The following KCNH5 variants were observed in gnomAD, a reference collection of about 807,000 sequenced individuals.
KCNH5 encodes the protein voltage-gated delayed rectifier potassium channel KCNH5.
Under a neutral mutation model 96.1 loss-of-function variants are expected in KCNH5, and 46 were observed. That is an observed-to-expected ratio of 0.48 (90% CI 0.38 to 0.61). KCNH5 has a LOEUF of 0.61. Ranked by LOEUF, KCNH5 falls within the 20% of genes least tolerant of loss-of-function variation. KCNH5 has a pLI of 0.00. For synonymous variants in KCNH5, 439 were observed against 449.8 expected (o/e 0.98, Z 0.30); for missense variants, 907 against 1,225.8 (o/e 0.74, Z 3.88).
chr14:62,944,706 A>G (rs999543404), intron 7 of KCNH5, among the ~76,000 whole-genome samples: 2 of 152,178 alleles, frequency 1.3e-5, no homozygotes, highest in Admixed American at 6.6e-5. Flanking sequence ...GTACTATAAC[A>G]CTTCATGAAT....
intron 6 of KCNH5, among the ~76,000 whole-genome samples, chr14:62,970,042 T>A (rs1890375236): frequency 3.1e-5 from 2 of 63,752 alleles, no homozygotes; most frequent in East Asian, 2.8e-4. Context: ...TGAGACTCCG[T>A]CTAAAAAAAA....
intron 7 of KCNH5, among the ~76,000 whole-genome samples, chr14:62,943,044 G>A (rs930853717): frequency 2.0e-5 from 3 of 152,006 alleles, no homozygotes; most frequent in Non-Finnish European, 4.4e-5. Context: ...ATTTAATAAT[G>A]TACTTAACAG....
chr14:62,818,809 T>C (rs1413190726), intron 8 of KCNH5, among the ~76,000 whole-genome samples: 1 of 152,166 alleles, frequency 6.6e-6, no homozygotes, highest in Non-Finnish European at 1.5e-5. Context: ...CCATTATATT[T>C]ACAAATTAAA....
chr14:62,791,924 A>T (rs1886443648), intron 9 of KCNH5, among the ~76,000 whole-genome samples: 1 of 151,630 alleles, frequency 6.6e-6, no homozygotes, highest in Non-Finnish European at 1.5e-5. Flanking sequence ...TTTATTTATT[A>T]GTTGGCCCTT....
At chr14:63,015,439 C>T (rs1322581044) in intron 2 of KCNH5, among the ~76,000 whole-genome samples, 1 of 151,810 alleles carries the variant, frequency 6.6e-6, no homozygotes, top group Non-Finnish European at 1.5e-5. Flanking sequence ...CAACCAATCC[C>T]TTCTGTATAA....
At chr14:62,974,661 A>G (rs1890468560) in intron 6 of KCNH5, among the ~76,000 whole-genome samples, 1 of 152,220 alleles carries the variant, frequency 6.6e-6, no homozygotes, top group Non-Finnish European at 1.5e-5. Context: ...CTTCTAAGTC[A>G]TTCTGCACTT....
chr14:63,002,819 C>A (rs772350867), intron 3 of KCNH5, among the ~76,000 whole-genome samples: 34 of 152,216 alleles, frequency 2.2e-4, no homozygotes, highest in Non-Finnish European at 4.1e-4. Context: ...GGACGTGGCC[C>A]TTTCCAAAAT....
intron 10 of KCNH5, among the ~76,000 whole-genome samples, chr14:62,725,475 A>T (rs1416524325): frequency 2.0e-5 from 3 of 152,196 alleles, no homozygotes; most frequent in Non-Finnish European, 4.4e-5. Flanking sequence ...GTGACCCTGA[A>T]GGAAAGATAA....
intron 2 of KCNH5, among the ~76,000 whole-genome samples, chr14:63,007,327 TAGAA>T (rs1401940227): frequency 2.0e-5 from 3 of 152,208 alleles, no homozygotes; most frequent in South Asian, 2.1e-4. Flanking sequence ...AATTCTAACT[TAGAA>T]AGGAGGATGA....
chr14:62,721,569 T>C (rs1290550504), intron 10 of KCNH5, among the ~76,000 whole-genome samples: 1 of 152,062 alleles, frequency 6.6e-6, no homozygotes, highest in Admixed American at 6.6e-5. Context: ...TCAGGCTTGG[T>C]GGAAAGGTCA....
At chr14:62,758,025 A>G (rs757463706) in intron 10 of KCNH5, among the ~76,000 whole-genome samples, 40 of 151,966 alleles carry the variant, frequency 2.6e-4, no homozygotes, top group Non-Finnish European at 4.9e-4. Context: ...TGCACCTGTA[A>G]TCCCAGCTAC....
At chr14:62,933,062 T>C (rs185814978) in intron 7 of KCNH5, among the ~76,000 whole-genome samples, 1 of 152,160 alleles carries the variant, frequency 6.6e-6, no homozygotes, top group African/African-American at 2.4e-5. Flanking sequence ...TCAGGGCTAA[T>C]GGGAGACAAC....
At chr14:62,843,008 A>C (rs908931308) in intron 8 of KCNH5, among the ~76,000 whole-genome samples, 5 of 152,170 alleles carry the variant, frequency 3.3e-5, no homozygotes, top group African/African-American at 1.2e-4. Flanking sequence ...ATATGTGCCT[A>C]AATCTTTTAC....
chr14:62,835,469 A>G (rs1028950841), intron 8 of KCNH5, among the ~76,000 whole-genome samples: 2 of 152,064 alleles, frequency 1.3e-5, no homozygotes, highest in Admixed American at 6.6e-5. Flanking sequence ...GAGGAAATTC[A>G]TTGCTCCTCC....
intron 7 of KCNH5, among the ~76,000 whole-genome samples, chr14:62,910,941 A>ATACACACACC (rs796746612): frequency 7.1e-6 from 1 of 140,784 alleles, no homozygotes; most frequent in Non-Finnish European, 1.5e-5. Context: ...ACACACACAC[A>ATACACACACC]CCCCTCTGTT....
At chr14:62,855,804 T>C (rs1202623349) in intron 7 of KCNH5, among the ~76,000 whole-genome samples, 1 of 152,082 alleles carries the variant, frequency 6.6e-6, no homozygotes, top group East Asian at 1.9e-4. Context: ...GGTCAGAAGA[T>C]TGAACAATGT....
At chr14:62,919,868 T>C (rs140111541) in intron 7 of KCNH5, among the ~76,000 whole-genome samples, 2,614 of 152,204 alleles carry the variant, frequency 0.017, 39 homozygotes, top group Middle Eastern at 0.027. Flanking sequence ...CATTTAAATA[T>C]AGCATCATCA....
chr14:62,874,043 G>A (rs2140069159), intron 7 of KCNH5, among the ~76,000 whole-genome samples: 1 of 152,280 alleles, frequency 6.6e-6, no homozygotes, highest in South Asian at 2.1e-4. Context: ...TTTAAAACAA[G>A]TAAACATATC....
intron 7 of KCNH5, among the ~76,000 whole-genome samples, chr14:62,873,656 A>T (rs1457431775): frequency 6.6e-6 from 1 of 152,228 alleles, no homozygotes; most frequent in Non-Finnish European, 1.5e-5. Flanking sequence ...ACCTGAAAAG[A>T]TTTATAGAAG....
Sources: allele counts gnomAD v4.1 joint callset (sites outside exome capture counted in the v4.1 genomes callset), GRCh38; gene constraint gnomAD v4.1.1; transcripts MANE v1.5; gene names NCBI Gene and HGNC (gene_info 2026-07-23, HGNC 2026-07-21).